Variants in DOCK10 observed in about 807,000 individuals in gnomAD.
DOCK10 encodes dedicator of cytokinesis protein 10.
In DOCK10, 145 loss-of-function variants were observed where a neutral mutation model predicts 280.1. The observed-to-expected ratio is 0.52, with a 90% CI of 0.45 to 0.59. The LOEUF is 0.59. Among genes scored for constraint, DOCK10 ranks in the 20% least tolerant of loss-of-function variants. The pLI, the probability that DOCK10 is intolerant of heterozygous loss-of-function variation, is 0.00. For missense variants in DOCK10, 2,368 were observed against 2,651.7 expected, an observed-to-expected ratio of 0.89 and a Z score of 2.35; for synonymous variants, 915 against 942.2, an observed-to-expected ratio of 0.97 and a Z score of 0.53.
intron 1 of DOCK10, among the ~76,000 whole-genome samples, chr2:225,032,307 T>A (rs1308436606): frequency 6.6e-6 from 1 of 152,164 alleles, no homozygotes; most frequent in Non-Finnish European, 1.5e-5. Context: ...GATACATTTT[T>A]CAAATTGATT....
chr2:224,888,489 T>A (rs1699451868), intron 4 of DOCK10, among the ~76,000 whole-genome samples: 1 of 152,046 alleles, frequency 6.6e-6, no homozygotes, highest in Non-Finnish European at 1.5e-5. Context: ...AATACATGTG[T>A]GTGTATAGCA....
intron 1 of DOCK10, among the ~76,000 whole-genome samples, chr2:224,988,371 A>G (rs1302849738): frequency 6.6e-6 from 1 of 152,230 alleles, no homozygotes; most frequent in Non-Finnish European, 1.5e-5. Flanking sequence ...TGCTCAATGA[A>G]TAATAATCAT....
Position 224,834,780 on chromosome 2 carries a change from G to A in DOCK10, c.2851-517C>T, listed in dbSNP as rs548498645. Among the ~76,000 whole-genome samples, 43 of 152,252 alleles carry A rather than the reference G, an allele frequency of 2.8e-4. 1 individual carries two copies. The South Asian group carries it at 8.7e-3, about 31-fold the overall frequency. ...ATTGGCCATCAGTAAGATAACAAAT[G>A]CTGCATACTTATTTTTTTTCCTCAA... On this transcript the variant is annotated intron_variant, in intron 25 of 55. Coordinates refer to ENST00000258390, the MANE Select transcript of DOCK10 (RefSeq NM_014689.3).
At chr2:225,025,795 T>C (rs1481554954) in intron 1 of DOCK10, among the ~76,000 whole-genome samples, 1 of 152,166 alleles carries the variant, frequency 6.6e-6, no homozygotes, top group East Asian at 1.9e-4. Context: ...CATTACCCTT[T>C]CAAAATTGAC....
intron 29 of DOCK10, among the ~76,000 whole-genome samples, chr2:224,817,683 T>C (rs1311232885): frequency 6.6e-6 from 1 of 152,104 alleles, no homozygotes; most frequent in Non-Finnish European, 1.5e-5. Flanking sequence ...ATTCTGCAAA[T>C]TTCATGCATG....
intron 4 of DOCK10, among the ~76,000 whole-genome samples, chr2:224,887,748 A>C (rs964884453): frequency 1.1e-4 from 17 of 152,202 alleles, no homozygotes; most frequent in Non-Finnish European, 1.5e-5. Flanking sequence ...ATTATAGTGA[A>C]GCAAATTAAC....
intron 25 of DOCK10, among the ~76,000 whole-genome samples, chr2:224,835,133 G>T (rs1695511703): frequency 6.6e-6 from 1 of 152,144 alleles, no homozygotes; most frequent in South Asian, 2.1e-4. Flanking sequence ...TTGTCATGGT[G>T]GGATTTGACT....
intron 52 of DOCK10, 95 bp downstream of exon 52, chr2:224,774,810 G>A: frequency 8.7e-7 from 1 of 1,155,022 alleles, no homozygotes; most frequent in Non-Finnish European, 1.3e-6. Context: ...TTCTCTGCAG[G>A]ACTGAAATAA....
intron 1 of DOCK10, among the ~76,000 whole-genome samples, chr2:224,980,957 C>A (rs928939911): frequency 6.0e-5 from 9 of 150,738 alleles, no homozygotes; most frequent in Non-Finnish European, 1.3e-4. Context: ...TTTTTTTTTG[C>A]AAATTTCTAG....
intron 9 of DOCK10, 53 bp downstream of exon 9, chr2:224,874,613 T>C (rs2125687966): frequency 6.6e-7 from 1 of 1,514,890 alleles, no homozygotes; most frequent in East Asian, 2.3e-5. Flanking sequence ...ATGAAAGCAA[T>C]AACTAACAAA....
intron 9 of DOCK10, among the ~76,000 whole-genome samples, 155 bp downstream of exon 9, chr2:224,874,511 A>C (rs1046424728): frequency 1.3e-5 from 2 of 152,208 alleles, no homozygotes; most frequent in African/African-American, 4.8e-5. Flanking sequence ...TTTGAGCCCT[A>C]TGTGTATGTT....
intron 55 of DOCK10, among the ~76,000 whole-genome samples, chr2:224,767,100 T>C (rs1690117426): frequency 6.6e-6 from 1 of 152,192 alleles, no homozygotes; most frequent in South Asian, 2.1e-4. Flanking sequence ...CATGGGGCCT[T>C]TACCCATTCC....
Position 224,765,418 on chromosome 2 carries a change from T to G in DOCK10, c.*303A>C, listed in dbSNP as rs987703647. 4.1e-6 allele frequency: 1 copy of G among 244,196 alleles called. No individual in the cohort carries two copies. Among genetic ancestry groups the G allele is most frequent in the Admixed American group, 5.2e-5 (1 of 19,162 alleles). 15.1% of individuals were successfully genotyped at this position (244,196 alleles called of 1,614,324 possible). The stretch of plus-strand genomic sequence containing the variant: ...TTCACTTTAACCTTTAAAATATGTG[T>G]ACTAGGACTGGGGTACTGACCATAC... On this transcript the variant is annotated 3_prime_UTR_variant, in exon 56 of 56. Coordinates refer to ENST00000258390, the MANE Select transcript of DOCK10 (RefSeq NM_014689.3).
At chr2:224,842,809 G>T (rs969117225) in intron 22 of DOCK10, among the ~76,000 whole-genome samples, 8 of 152,168 alleles carry the variant, frequency 5.3e-5, no homozygotes, top group African/African-American at 1.9e-4. Context: ...CCATTAAGGC[G>T]GGGAGGCCAG....
chr2:224,784,856 T>C, intron 50 of DOCK10: 1 of 988,322 alleles, frequency 1.0e-6, no homozygotes, highest in Admixed American at 2.4e-5. Flanking sequence ...ATATATTGGT[T>C]GCAGAAACCA....
At chr2:224,806,033 T>C in intron 34 of DOCK10, 93 bp downstream of exon 34, 1 of 699,614 alleles carries the variant, frequency 1.4e-6, no homozygotes, top group Non-Finnish European at 2.4e-6. Context: ...AGATTATGCA[T>C]AATAAATTAC....
chr2:225,003,333 C>T (rs1232558481), intron 1 of DOCK10, among the ~76,000 whole-genome samples: 1 of 152,152 alleles, frequency 6.6e-6, no homozygotes, highest in African/African-American at 2.4e-5. Context: ...TGTAAGCCAC[C>T]GTGCCTGGCT....
At chr2:224,966,340 G>C (rs1704742837) in intron 1 of DOCK10, among the ~76,000 whole-genome samples, 1 of 135,828 alleles carries the variant, frequency 7.4e-6, no homozygotes, top group Admixed American at 8.7e-5. Context: ...TCCCTATAGA[G>C]AGATAACCTT....
At chr2:225,033,478 C>T (rs1341125019) in intron 1 of DOCK10, among the ~76,000 whole-genome samples, 2 of 152,170 alleles carry the variant, frequency 1.3e-5, no homozygotes, top group Non-Finnish European at 2.9e-5. Flanking sequence ...CCACTGTGCC[C>T]AGCTGCGACT....
Sources: allele counts gnomAD v4.1 joint callset (sites outside exome capture counted in the v4.1 genomes callset), GRCh38; gene constraint gnomAD v4.1.1; transcripts MANE v1.5; gene names NCBI Gene and HGNC (gene_info 2026-07-23, HGNC 2026-07-21).